The following SCML4 variants were observed in gnomAD, a reference collection of about 807,000 sequenced individuals.
SCML4 encodes Scm polycomb group protein like 4, also known as sex comb on midleg-like protein 4.
SCML4 carries 34 observed loss-of-function variants against 41.1 expected under a neutral mutation model. The observed-to-expected ratio is 0.83, with a 90% CI of 0.63 to 1.10. The LOEUF (loss-of-function observed/expected upper bound fraction) is 1.10, where lower values mean the gene tolerates loss of function less well. Among genes scored for constraint, SCML4 ranks in the 50% least tolerant of loss-of-function variants. The pLI is 0.00. For synonymous variants in SCML4, 214 were observed against 220.9 expected (o/e 0.97, Z 0.28); for missense variants, 522 against 534.1 (o/e 0.98, Z 0.22).
At chr6:107,778,033 G>A (rs184732105) in intron 1 of SCML4, among the ~76,000 whole-genome samples, 116 of 150,898 alleles carry the variant, frequency 7.7e-4, no homozygotes, top group African/African-American at 2.5e-3. Context: ...TGGCCAACAC[G>A]GTGAAACTCC....
chr6:107,754,398 T>C (rs1217023947), intron 2 of SCML4, among the ~76,000 whole-genome samples: 3 of 152,210 alleles, frequency 2.0e-5, no homozygotes, highest in Admixed American at 6.5e-5. Context: ...ATCTGCCAAG[T>C]GTCATGAGGG....
At chr6:107,769,699 T>C (rs1312950583) in intron 2 of SCML4, among the ~76,000 whole-genome samples, 1 of 152,194 alleles carries the variant, frequency 6.6e-6, no homozygotes. Flanking sequence ...TATCTTATTT[T>C]ATAAGATTGA....
At chr6:107,755,656 C>G in intron 2 of SCML4, 3 of 1,281,062 alleles carry the variant, frequency 2.3e-6, no homozygotes, top group Non-Finnish European at 3.0e-6. Context: ...TTGTTGTTGC[C>G]TTAGGTTTCT....
chr6:107,831,909 C>T, the SCML4 span, among the ~76,000 whole-genome samples: 1 of 151,460 alleles, frequency 6.6e-6, no homozygotes, highest in Non-Finnish European at 1.5e-5. Context: ...CACACACACA[C>T]AAAATTAGCT....
At position 107,702,194 on chromosome 6, in the gene SCML4, G is replaced by A. The variant is rs987609638; in HGVS notation, c.*3006C>T. ...GCAGCATTTATTTTAAGAGTAATGAGATTTTTAAAAAGTCAAACCTTAAAT... is the reference window on the plus strand; with the variant it reads ...GCAGCATTTATTTTAAGAGTAATGAAATTTTTAAAAAGTCAAACCTTAAAT... On this transcript the variant is annotated 3_prime_UTR_variant, in exon 8 of 8. Transcript: ENST00000369020. Among the ~76,000 whole-genome samples the A allele has an allele frequency of 3.3e-5, 5 of 152,204 alleles. No homozygotes were observed. Among genetic ancestry groups the A allele is most frequent in the Non-Finnish European group, 5.9e-5 (4 of 68,040 alleles).
At chr6:107,738,576 G>A (rs1240546851) in intron 5 of SCML4, among the ~76,000 whole-genome samples, 1 of 151,734 alleles carries the variant, frequency 6.6e-6, no homozygotes. Flanking sequence ...AGCCGAGTTC[G>A]TACCACTGCA....
intron 2 of SCML4, chr6:107,755,656 C>T: frequency 1.6e-6 from 2 of 1,281,052 alleles, no homozygotes; most frequent in Non-Finnish European, 2.0e-6. Context: ...TTGTTGTTGC[C>T]TTAGGTTTCT....
intron 1 of SCML4, among the ~76,000 whole-genome samples, chr6:107,809,036 G>A (rs1783957344): frequency 1.3e-5 from 1 of 75,552 alleles, no homozygotes; most frequent in Non-Finnish European, 2.6e-5. Flanking sequence ...GTATTTACAG[G>A]CGTGGCTTCT....
chr6:107,720,449 A>C (rs1775262182), intron 6 of SCML4: 1 of 1,179,628 alleles, frequency 8.5e-7, no homozygotes, highest in Admixed American at 4.3e-5. Context: ...ATGGTATTTG[A>C]GCCTGTGTAC....
In SCML4 at chr6:107,703,503, G is replaced by A. The variant is rs546527552; in HGVS notation, c.*1697C>T. Among the ~76,000 whole-genome samples the A allele has an allele frequency of 6.6e-6, 1 of 152,304 alleles. No homozygotes were observed. The highest frequency in any genetic ancestry group is 2.1e-4 in the South Asian group (1 of 4,830). On this transcript the variant is annotated 3_prime_UTR_variant, in exon 8 of 8. Transcript: ENST00000369020. ...TTTCTCAAGTACTGCACATGAAAGT[G>A]GGCCTAACGGCATGGCATGGACTAT...
chr6:107,801,313 C>T (rs1783103795), intron 1 of SCML4, among the ~76,000 whole-genome samples: 1 of 152,200 alleles, frequency 6.6e-6, no homozygotes, highest in South Asian at 2.1e-4. Flanking sequence ...ATTCCCAACT[C>T]CTGTAATCCC....
chr6:107,827,012 G>A (rs1230863247), upstream of SCML4, among the ~76,000 whole-genome samples: 5 of 151,820 alleles, frequency 3.3e-5, no homozygotes, highest in Admixed American at 2.6e-4. Flanking sequence ...GCAGTGAGCC[G>A]AGATCACGCC....
chr6:107,827,800 T>C (rs1785304565), upstream of SCML4, among the ~76,000 whole-genome samples: 1 of 152,164 alleles, frequency 6.6e-6, no homozygotes, highest in Non-Finnish European at 1.5e-5. Flanking sequence ...TTTGGGGGCG[T>C]CCCAAATGCA....
chr6:107,834,135 G>T, the SCML4 span, among the ~76,000 whole-genome samples: 2 of 152,126 alleles, frequency 1.3e-5, no homozygotes, highest in African/African-American at 4.8e-5. Context: ...TTTTCAAGTG[G>T]GGGTTCCCAG....
At chr6:107,801,129 T>C (rs1453963964) in intron 1 of SCML4, among the ~76,000 whole-genome samples, 2 of 152,268 alleles carry the variant, frequency 1.3e-5, no homozygotes, top group Non-Finnish European at 2.9e-5. Context: ...TTATGTCTTC[T>C]GACTGAACCA....
At chr6:107,799,683 C>T (rs1322505966) in intron 1 of SCML4, among the ~76,000 whole-genome samples, 1 of 151,968 alleles carries the variant, frequency 6.6e-6, no homozygotes, top group African/African-American at 2.4e-5. Context: ...TTCATCTCTG[C>T]TTTTTGCCTG....
At position 107,743,341 on chromosome 6, in the gene SCML4, G is replaced by A. The variant is rs75157160; in HGVS notation, c.682+1608C>T. The stretch of plus-strand genomic sequence containing the variant: ...CCGTAGTCAGGGAAGAACTAGTCCC[G>A]CAGGATACAATTAGAGGACAATGGG... On this transcript the variant is annotated intron_variant, in intron 5 of 7. Transcript: ENST00000369020. 4.3e-3 allele frequency among the ~76,000 whole-genome samples: 655 copies of A among 152,260 alleles called. 10 individuals carry two copies. In the East Asian group the frequency reaches 0.063, roughly 15 times the overall value.
intron 2 of SCML4, among the ~76,000 whole-genome samples, chr6:107,768,494 G>A (rs1162936014): frequency 6.6e-6 from 1 of 152,186 alleles, no homozygotes; most frequent in African/African-American, 2.4e-5. Context: ...TCATTAAACA[G>A]AGCAGACAGA....
intron 2 of SCML4, among the ~76,000 whole-genome samples, chr6:107,766,385 A>C (rs982062879): frequency 2.0e-5 from 3 of 151,652 alleles, no homozygotes; most frequent in Admixed American, 2.0e-4. Context: ...AAAAAAAAAA[A>C]AGGGTTCAAG....
Sources: gnomAD v4.1 joint callset for allele counts (sites outside exome capture counted in the v4.1 genomes callset) on GRCh38, gnomAD v4.1.1 for gene constraint, MANE v1.5 for transcripts, NCBI Gene and HGNC (gene_info 2026-07-23, HGNC 2026-07-21) for gene names.